Variants in BACH1 observed in about 807,000 individuals in gnomAD.
BACH1 encodes BTB domain and CNC homolog 1.
BACH1 carries 35 observed loss-of-function variants against 52.9 expected under a neutral mutation model. That is an observed-to-expected ratio of 0.66 (90% CI 0.51 to 0.88). The LOEUF (loss-of-function observed/expected upper bound fraction) is 0.88. Ranked by LOEUF, BACH1 falls within the 40% of genes least tolerant of loss-of-function variation. The pLI is 0.00. For synonymous variants in BACH1, 321 were observed against 319.6 expected, an observed-to-expected ratio of 1.00 and a Z score of -0.05; for missense variants, 808 against 872.6, an observed-to-expected ratio of 0.93 and a Z score of 0.93.
At chr21:29,356,140 G>A (rs923984970) in intron 2 of BACH1, among the ~76,000 whole-genome samples, 1 of 152,202 alleles carries the variant, frequency 6.6e-6, no homozygotes, top group African/African-American at 2.4e-5. Flanking sequence ...GGTTCCTGTA[G>A]CAGTAGCCAT....
At chr21:29,359,419 G>A (rs886122619) in intron 2 of BACH1, 5 of 148,868 alleles carry the variant, frequency 3.4e-5, no homozygotes, top group Admixed American at 1.4e-4. Flanking sequence ...CAGGTATATC[G>A]AAATCTCTCT....
intron 2 of BACH1, among the ~76,000 whole-genome samples, chr21:29,353,657 A>G (rs951686069): frequency 2.0e-5 from 3 of 152,172 alleles, no homozygotes; most frequent in Admixed American, 2.0e-4. Context: ...ATTTTGTTAG[A>G]AAATGTGGTA....
rs1480221154 is a variant in BACH1 at position 29,342,909 on chromosome 21, A to G, written c.*76A>G. 1.4e-6 allele frequency: 2 copies of G among 1,386,704 alleles called. No individual in the cohort carries two copies. Among genetic ancestry groups the G allele is most frequent in the African/African-American group, 1.4e-5 (1 of 69,222 alleles). 85.9% of individuals were successfully genotyped at this position (1,386,704 alleles called of 1,614,324 possible). A position where few individuals can be genotyped will look rare whatever the true frequency, so the allele number is the denominator to read the frequency against. Reference sequence around the variant, plus strand: ...AGCGTCTTGAAAGCCTAATATGACCATCTGTTGCTCAACAATACTGTTTTT... The same window carrying G: ...AGCGTCTTGAAAGCCTAATATGACCGTCTGTTGCTCAACAATACTGTTTTT... On this transcript the variant is annotated 3_prime_UTR_variant, in exon 5 of 5. Transcript: ENST00000286800.
rs757462849 is a variant in BACH1, at chr21:29,326,521, G to T, written c.697G>T (p.Ala233Ser). ...LCPKYRKFQK[A>S]FGTDRVRTGE... is the part of the protein sequence containing the mutation. Reference sequence around the variant, plus strand: ...CCCCAAATACAGAAAATTCCAAAAAGCATTTGGAACTGACAGAGTCCGTAC... The same window carrying T: ...CCCCAAATACAGAAAATTCCAAAAATCATTTGGAACTGACAGAGTCCGTAC... Residue 233 changes from alanine to serine, a missense_variant, in exon 3 of 5, where the codon GCA (alanine) becomes TCA (serine). Coordinates refer to ENST00000286800, the MANE Select transcript of BACH1 (RefSeq NM_001186.4). The T allele has an allele frequency of 6.2e-7, 1 of 1,614,178 alleles. No homozygotes were observed. Among genetic ancestry groups the T allele is most frequent in the Admixed American group, 1.7e-5 (1 of 60,026 alleles).
At position 29,360,268 on chromosome 21, in the gene BACH1, G is replaced by A. The variant is rs895924937; in HGVS notation, c.472+30575G>A. On this transcript the variant is annotated intron_variant, in intron 2 of 4. Transcript: ENST00000422809. ...TGACGCTGTCATAGGCACGTCCTTAGCCTTGGCAGATAAACTTTCTAAATT... is the reference window on the plus strand; with the variant it reads ...TGACGCTGTCATAGGCACGTCCTTAACCTTGGCAGATAAACTTTCTAAATT... Among the ~76,000 whole-genome samples the A allele has an allele frequency of 3.6e-4, 55 of 152,314 alleles. 1 individual carries two copies. Among genetic ancestry groups the A allele is most frequent in the African/African-American group, 1.3e-3 (52 of 41,570 alleles).
intron 1 of BACH1, among the ~76,000 whole-genome samples, chr21:29,315,355 T>C (rs1373049005): frequency 6.6e-6 from 1 of 152,160 alleles, no homozygotes; most frequent in Non-Finnish European, 1.5e-5. Flanking sequence ...AAAGATGTCA[T>C]AGTAGAGGAA....
intron 1 of BACH1, among the ~76,000 whole-genome samples, chr21:29,318,800 C>T (rs912752147): frequency 2.6e-5 from 4 of 152,070 alleles, no homozygotes; most frequent in Non-Finnish European, 5.9e-5. Flanking sequence ...TTTCTAAGGC[C>T]CAGAGTCATT....
rs2088570086 is a variant in BACH1, at chr21:29,298,926, A to T, written c.-88A>T. 2 of 150,894 alleles carry T rather than the reference A, an allele frequency of 1.3e-5. No homozygotes were observed. The highest frequency in any genetic ancestry group is 2.0e-4 in the East Asian group (1 of 5,114). The allele number at this position is 150,894 out of a possible 1,614,324, so 9.3% of individuals were successfully genotyped here. On this transcript the variant is annotated 5_prime_UTR_variant, in exon 1 of 5. Transcript: ENST00000286800. The stretch of plus-strand genomic sequence containing the variant: ...CCCGCCGGGCGCTCTCGCTTCAGTC[A>T]GTCGGGCCGCGCCGCGCCTCAGCTC...
chr21:29,332,613 A>G (rs888827530), intron 4 of BACH1, among the ~76,000 whole-genome samples: 2 of 152,206 alleles, frequency 1.3e-5, no homozygotes, highest in African/African-American at 2.4e-5. Flanking sequence ...ACTCCTGGGA[A>G]CCCAGGGACT....
rs561144511 is a variant in BACH1, at chr21:29,332,384, T to C, written c.1776+2691T>C. Among the ~76,000 whole-genome samples the C allele has an allele frequency of 2.1e-3, 322 of 152,344 alleles. 2 individuals are homozygous for C. Among genetic ancestry groups the C allele is most frequent in the African/African-American group, 7.3e-3 (303 of 41,580 alleles). ...GGTTAATTTTCAATACAAAGTAATATTTTGTTTCTCAACAGTTTTTATGAA... is the reference window on the plus strand; with the variant it reads ...GGTTAATTTTCAATACAAAGTAATACTTTGTTTCTCAACAGTTTTTATGAA... On this transcript the variant is annotated intron_variant, in intron 4 of 4. Transcript: ENST00000286800.
At chr21:29,358,775 A>AAAAGAAAGAAAG (rs1203144613) in intron 2 of BACH1, among the ~76,000 whole-genome samples, 3 of 83,472 alleles carry the variant, frequency 3.6e-5, no homozygotes, top group African/African-American at 1.6e-4. Context: ...AAAAGAAAAG[A>AAAAGAAAGAAAG]AAGAAAGAAA....
Position 29,323,227 on chromosome 21 carries a change from G to A in BACH1, c.234+1713G>A, listed in dbSNP as rs551531444. Among the ~76,000 whole-genome samples the A allele has an allele frequency of 4.6e-5, 7 of 152,130 alleles. No individual in the cohort carries two copies. In the East Asian group the frequency reaches 9.6e-4, roughly 21 times the overall value. ...AGGATATATGTATGTATGAAGGGGC[G>A]TTTGTTAAGGAGAATTGGCTCACAT... On this transcript the variant is annotated intron_variant, in intron 2 of 4. Transcript: ENST00000286800.
At chr21:29,302,836 C>A (rs1484649920) in intron 1 of BACH1, among the ~76,000 whole-genome samples, 1 of 152,152 alleles carries the variant, frequency 6.6e-6, no homozygotes, top group African/African-American at 2.4e-5. Context: ...TCAGTAGCAC[C>A]ATCTCAAACA....
chr21:29,305,496 C>T (rs2088646556), intron 1 of BACH1, among the ~76,000 whole-genome samples: 1 of 152,118 alleles, frequency 6.6e-6, no homozygotes, highest in Admixed American at 6.5e-5. Flanking sequence ...AAGGCTGGGC[C>T]ACCTTTTCTT....
chr21:29,341,359 A>AT lies in BACH1; in HGVS notation c.1777-1037dup, dbSNP rs2089110671. Reference sequence around the variant, plus strand: ...ACTGACTTGTTGAGAGTTGTGATAAATTTCATAAGAAAAACGTTTGACTTT... The same window carrying AT: ...ACTGACTTGTTGAGAGTTGTGATAAATTTTCATAAGAAAAACGTTTGACTTT... On this transcript the variant is annotated intron_variant, in intron 4 of 4. Transcript: ENST00000286800. 2.0e-5 allele frequency among the ~76,000 whole-genome samples: 3 copies of AT among 152,340 alleles called. No individual in the cohort carries two copies. In the South Asian group the frequency reaches 6.2e-4, roughly 32 times the overall value.
intron 4 of BACH1, among the ~76,000 whole-genome samples, chr21:29,338,746 A>G (rs1486439302): frequency 2.6e-5 from 4 of 152,190 alleles, no homozygotes. Context: ...TAAAAAATAT[A>G]TACTCCAAAT....
At chr21:29,352,254 G>T (rs1385714187) in intron 2 of BACH1, among the ~76,000 whole-genome samples, 2 of 151,758 alleles carry the variant, frequency 1.3e-5, no homozygotes, top group Non-Finnish European at 2.9e-5. Flanking sequence ...GGGGTTTCAC[G>T]TGTTGGCCAG....
chr21:29,303,236 A>G (rs533556678), intron 1 of BACH1, among the ~76,000 whole-genome samples: 20 of 152,386 alleles, frequency 1.3e-4, no homozygotes, highest in African/African-American at 4.8e-4. Context: ...AATGGATATG[A>G]ATACAATGGA....
intron 2 of BACH1, chr21:29,351,570 T>G: frequency 3.8e-6 from 2 of 531,936 alleles, no homozygotes; most frequent in East Asian, 5.5e-5. Flanking sequence ...GAGCGTTTAC[T>G]CTGGGCTTTA....
Sources: allele counts gnomAD v4.1 joint callset (sites outside exome capture counted in the v4.1 genomes callset), GRCh38; gene constraint gnomAD v4.1.1; transcripts MANE v1.5; gene names NCBI Gene and HGNC (gene_info 2026-07-23, HGNC 2026-07-21).